Variants in LCORL observed in about 807,000 individuals in gnomAD.
The protein encoded by LCORL is ligand-dependent nuclear receptor corepressor-like protein.
Under a neutral mutation model 141.8 loss-of-function variants are expected in LCORL, and 41 were observed. That is an observed-to-expected ratio of 0.29 (90% CI 0.23 to 0.38). The LOEUF is 0.38. Among genes scored for constraint, LCORL ranks in the 10% least tolerant of loss-of-function variants. The probability of loss-of-function intolerance (pLI) is 1.00; values close to 1 mark genes in which losing one functional copy is unlikely to be tolerated. For synonymous variants in LCORL, 618 were observed against 694.1 expected, an observed-to-expected ratio of 0.89 and a Z score of 1.72; for missense variants, 1,759 against 2,035.0, an observed-to-expected ratio of 0.86 and a Z score of 2.61.
intron 4 of LCORL, among the ~76,000 whole-genome samples, chr4:17,940,425 A>G (rs1199668882): frequency 6.8e-6 from 1 of 148,096 alleles, no homozygotes; most frequent in Non-Finnish European, 1.5e-5. Flanking sequence ...AAATAGTTTT[A>G]TATTACTATA....
chr4:18,013,039 CCTCA>C (rs1724051966), intron 1 of LCORL, among the ~76,000 whole-genome samples: 1 of 152,138 alleles, frequency 6.6e-6, no homozygotes, highest in South Asian at 2.1e-4. Flanking sequence ...CTGCCATCTC[CCTCA>C]CTACTGAAAT....
chr4:17,979,556 A>G (rs1004983333), intron 1 of LCORL, among the ~76,000 whole-genome samples: 4 of 152,250 alleles, frequency 2.6e-5, no homozygotes, highest in Admixed American at 2.0e-4. Context: ...TTTTAAAATC[A>G]GTGTTAAAAA....
At chr4:17,869,845 T>C (rs1005505663) in intron 7 of LCORL, among the ~76,000 whole-genome samples, 2 of 152,188 alleles carry the variant, frequency 1.3e-5, no homozygotes, top group African/African-American at 4.8e-5. Flanking sequence ...GAGCATTCTA[T>C]CTTAGTAGAT....
intron 4 of LCORL, among the ~76,000 whole-genome samples, chr4:17,958,469 T>C (rs1300731492): frequency 6.6e-6 from 1 of 151,944 alleles, no homozygotes; most frequent in East Asian, 1.9e-4. Context: ...ACTTAAACAT[T>C]TCAGGTGATT....
At chr4:17,979,386 T>A (rs1199988670) in intron 1 of LCORL, among the ~76,000 whole-genome samples, 1 of 152,204 alleles carries the variant, frequency 6.6e-6, no homozygotes, top group African/African-American at 2.4e-5. Context: ...ACTCTATTAC[T>A]TCCTCATGCA....
At chr4:17,913,353 A>G (rs1471340970) in intron 4 of LCORL, among the ~76,000 whole-genome samples, 2 of 152,258 alleles carry the variant, frequency 1.3e-5, no homozygotes, top group African/African-American at 2.4e-5. Context: ...CAAGAGAAGC[A>G]TGTCTTCAAA....
chr4:17,974,445 T>G (rs1716554947), intron 1 of LCORL, among the ~76,000 whole-genome samples: 2 of 152,150 alleles, frequency 1.3e-5, no homozygotes, highest in African/African-American at 4.8e-5. Context: ...GTATCCATTT[T>G]AAAAATAAAG....
rs183573091 is a variant in LCORL at position 17,992,162 on chromosome 4, T to C, written c.155-19277A>G. ...GGGTTAATTGACTCACAGTTCCACA[T>C]GGCTAGGGAGGCCTCAAATAACTTA... On this transcript the variant is annotated intron_variant, in intron 1 of 7. Coordinates refer to ENST00000635767, the Ensembl canonical transcript of LCORL. Among the ~76,000 whole-genome samples, 928 of 152,346 alleles carry C rather than the reference T, an allele frequency of 6.1e-3. 14 individuals carry two copies. Among genetic ancestry groups the C allele is most frequent in the African/African-American group, 0.021 (885 of 41,574 alleles).
chr4:17,903,312 G>A (rs1250758984), intron 5 of LCORL, among the ~76,000 whole-genome samples: 3 of 151,990 alleles, frequency 2.0e-5, no homozygotes, highest in Non-Finnish European at 4.4e-5. Context: ...GGATCTTATG[G>A]CAGAAGACTG....
At chr4:17,957,194 G>GCT (rs1712826774) in intron 4 of LCORL, among the ~76,000 whole-genome samples, 1 of 151,908 alleles carries the variant, frequency 6.6e-6, no homozygotes, top group Non-Finnish European at 1.5e-5. Context: ...CAAAAAGCCT[G>GCT]GTAGAGACAA....
Position 17,982,099 on chromosome 4 carries a change from CGTGTGTGTGTGTGTGTGTGTGT to C in LCORL, c.155-9236_155-9215del, listed in dbSNP as rs57094203. Among the ~76,000 whole-genome samples the C allele has an allele frequency of 2.4e-3, 325 of 136,578 alleles. 1 individual carries two copies. The highest frequency in any genetic ancestry group is 7.9e-3 in the African/African-American group (281 of 35,646). The allele number at this position is 136,578 out of a possible 152,430, so 89.6% of individuals were successfully genotyped here. Reference sequence around the variant, plus strand: ...TTTTCATGGCTGCATAGTATTCCATCGTGTGTGTGTGTGTGTGTGTGTGTGTGTGTGTGTGTGTGTGTGTGTA... The same window carrying C: ...TTTTCATGGCTGCATAGTATTCCATCGTGTGTGTGTGTGTGTGTGTGTGTA... On this transcript the variant is annotated intron_variant, in intron 1 of 7. Coordinates refer to ENST00000635767, the Ensembl canonical transcript of LCORL.
chr4:17,928,062 G>T (rs1000748732), intron 4 of LCORL, among the ~76,000 whole-genome samples: 1 of 152,060 alleles, frequency 6.6e-6, no homozygotes, highest in Non-Finnish European at 1.5e-5. Flanking sequence ...TATACACCAC[G>T]AACAAGAAGG....
chr4:17,988,959 G>A (rs1468545710), intron 1 of LCORL, among the ~76,000 whole-genome samples: 1 of 152,174 alleles, frequency 6.6e-6, no homozygotes, highest in African/African-American at 2.4e-5. Context: ...ACTCCAGCCT[G>A]GGGGACAGAG....
chr4:17,900,437 T>C (rs1240301922), intron 5 of LCORL, among the ~76,000 whole-genome samples: 1 of 152,176 alleles, frequency 6.6e-6, no homozygotes, highest in Non-Finnish European at 1.5e-5. Flanking sequence ...TAGATCTTCA[T>C]ATGGAGGACT....
intron 1 of LCORL, among the ~76,000 whole-genome samples, chr4:17,985,584 C>A (rs1022467052): frequency 6.6e-6 from 1 of 152,128 alleles, no homozygotes. Flanking sequence ...ATTTCGATTG[C>A]AACCCTGGCT....
intron 1 of LCORL, among the ~76,000 whole-genome samples, chr4:18,017,056 G>A (rs1724751648): frequency 6.6e-6 from 1 of 152,134 alleles, no homozygotes; most frequent in African/African-American, 2.4e-5. Flanking sequence ...TTAAGCTGGA[G>A]TATCTTGTTT....
chr4:17,925,695 C>T (rs1309086359), intron 4 of LCORL, among the ~76,000 whole-genome samples: 4 of 151,802 alleles, frequency 2.6e-5, no homozygotes, highest in African/African-American at 9.7e-5. Context: ...CATGGTGAAA[C>T]CCCGTCTCTA....
intron 7 of LCORL, among the ~76,000 whole-genome samples, chr4:17,870,660 T>G (rs768867149): frequency 1.2e-4 from 19 of 152,168 alleles, no homozygotes; most frequent in Non-Finnish European, 2.5e-4. Flanking sequence ...ATATCCCACT[T>G]AAAAAATGAA....
At chr4:17,912,921 G>A in intron 4 of LCORL, 1 of 470,106 alleles carries the variant, frequency 2.1e-6, no homozygotes, top group Non-Finnish European at 4.2e-6. Context: ...CCAGCCACCG[G>A]ATAGTGGATG....
Sources: gnomAD v4.1 joint callset for allele counts (sites outside exome capture counted in the v4.1 genomes callset) on GRCh38, gnomAD v4.1.1 for gene constraint, MANE v1.5 for transcripts, NCBI Gene and HGNC (gene_info 2026-07-23, HGNC 2026-07-21) for gene names.